The following CAMTA1 variants were observed in gnomAD, a reference collection of about 807,000 sequenced individuals.
CAMTA1 encodes the protein calmodulin binding transcription activator 1.
Under a neutral mutation model 170.9 loss-of-function variants are expected in CAMTA1, and 27 were observed. The observed-to-expected ratio is 0.16, with a 90% confidence interval of 0.12 to 0.22. The LOEUF (loss-of-function observed/expected upper bound fraction) is 0.22. Among genes scored for constraint, CAMTA1 ranks in the 10% least tolerant of loss-of-function variants. The probability of loss-of-function intolerance (pLI) is 1.00; values close to 1 mark genes in which losing one functional copy is unlikely to be tolerated. For missense variants in CAMTA1, 1,619 were observed against 2,217.2 expected, an observed-to-expected ratio of 0.73 and a Z score of 5.42; for synonymous variants, 833 against 891.5, an observed-to-expected ratio of 0.93 and a Z score of 1.17.
At chr1:7,493,888 C>T (rs1174181316) in intron 6 of CAMTA1, among the ~76,000 whole-genome samples, 1 of 152,172 alleles carries the variant, frequency 6.6e-6, no homozygotes, top group Non-Finnish European at 1.5e-5. Flanking sequence ...GCTGAGACCT[C>T]TGCAGTGCTG....
intron 5 of CAMTA1, among the ~76,000 whole-genome samples, chr1:7,393,017 C>T (rs1332664988): frequency 2.0e-5 from 3 of 149,652 alleles, no homozygotes; most frequent in African/African-American, 4.9e-5. Context: ...CGCGCCACTG[C>T]GTTCCAGCCT....
At chr1:7,398,193 C>CTCTCTATA (rs1557651862) in intron 5 of CAMTA1, among the ~76,000 whole-genome samples, 5 of 16,894 alleles carry the variant, frequency 3.0e-4, no homozygotes, top group Non-Finnish European at 5.5e-4. Flanking sequence ...CTCTCTCTCT[C>CTCTCTATA]TATATATATA....
intron 1 of CAMTA1, among the ~76,000 whole-genome samples, chr1:6,789,853 C>T (rs1640548167): frequency 1.4e-5 from 2 of 141,040 alleles, no homozygotes; most frequent in Admixed American, 7.3e-5. Flanking sequence ...CTCTATTGCC[C>T]AGGCTGGAGT....
chr1:7,048,490 C>T (rs1268954604), intron 3 of CAMTA1, among the ~76,000 whole-genome samples: 1 of 152,208 alleles, frequency 6.6e-6, no homozygotes, highest in Non-Finnish European at 1.5e-5. Context: ...GGAGCGTCTG[C>T]TGTTGGCTTT....
chr1:6,860,652 G>C (rs912785184), intron 3 of CAMTA1, among the ~76,000 whole-genome samples: 1 of 152,170 alleles, frequency 6.6e-6, no homozygotes, highest in South Asian at 2.1e-4. Context: ...ACTCACACCC[G>C]TAATCTCAGC....
chr1:7,141,379 A>C (rs536200697), intron 4 of CAMTA1, among the ~76,000 whole-genome samples: 15 of 152,262 alleles, frequency 9.9e-5, no homozygotes, highest in Admixed American at 6.5e-4. Flanking sequence ...GGAGAATGTT[A>C]TCTCTTTAAT....
intron 4 of CAMTA1, among the ~76,000 whole-genome samples, chr1:7,228,406 C>T (rs1002980059): frequency 3.9e-5 from 6 of 152,180 alleles, no homozygotes; most frequent in African/African-American, 7.2e-5. Flanking sequence ...AAGTGGGGCT[C>T]GTGCATGTGA....
chr1:6,975,663 A>G (rs1693291764), intron 3 of CAMTA1, among the ~76,000 whole-genome samples: 2 of 152,148 alleles, frequency 1.3e-5, no homozygotes, highest in Admixed American at 6.5e-5. Flanking sequence ...TGTAGGCTTT[A>G]GATGGGTACA....
At chr1:7,689,428 G>A (rs1191675459) in intron 11 of CAMTA1, among the ~76,000 whole-genome samples, 5 of 151,278 alleles carry the variant, frequency 3.3e-5, no homozygotes, top group Admixed American at 6.6e-5. Context: ...ACAAAAATTA[G>A]CCAGGTGTGG....
At chr1:7,066,882 C>T (rs1034628413) in intron 3 of CAMTA1, among the ~76,000 whole-genome samples, 2 of 152,208 alleles carry the variant, frequency 1.3e-5, no homozygotes, top group Non-Finnish European at 2.9e-5. Context: ...TTTAGAGGAA[C>T]ATGGCATTGT....
rs1188028397 is a variant in CAMTA1 at position 7,680,933 on chromosome 1, G to C, written c.2914+3200G>C. ...GCGGCGCAGCCTTTGTCCCCGCGGC[G>C]TAGCTTTTGTTTGCGCAGCCCCGCC... On this transcript the variant is annotated intron_variant, in intron 11 of 22. Coordinates refer to ENST00000303635, the MANE Select transcript of CAMTA1 (RefSeq NM_015215.4). This position sits in a 1 kb window ranked among gnomAD's most constrained non-coding sequence, Gnocchi z 4.4. Among the ~76,000 whole-genome samples, 1 of 149,536 alleles carries C rather than the reference G, an allele frequency of 6.7e-6. No homozygotes were observed. Among genetic ancestry groups the C allele is most frequent in the Non-Finnish European group, 1.5e-5 (1 of 66,762 alleles).
At chr1:7,002,513 T>C (rs1222066499) in intron 3 of CAMTA1, among the ~76,000 whole-genome samples, 3 of 152,224 alleles carry the variant, frequency 2.0e-5, no homozygotes, top group African/African-American at 7.2e-5. Context: ...CTCAGTGTTG[T>C]TATTCACGGG....
At chr1:6,864,844 C>CGG (rs1557723570) in intron 3 of CAMTA1, among the ~76,000 whole-genome samples, 23 of 152,310 alleles carry the variant, frequency 1.5e-4, no homozygotes, top group African/African-American at 4.6e-4. Flanking sequence ...AATTGTTCCT[C>CGG]AGTGCTGGGG....
intron 3 of CAMTA1, among the ~76,000 whole-genome samples, chr1:6,826,161 T>A (rs1647084025): frequency 6.6e-6 from 1 of 152,228 alleles, no homozygotes; most frequent in Admixed American, 6.5e-5. Context: ...ACTTCCTGAT[T>A]CAGAATGCTT....
chr1:7,719,551 G>A (rs1440062504), intron 11 of CAMTA1, among the ~76,000 whole-genome samples: 1 of 152,180 alleles, frequency 6.6e-6, no homozygotes, highest in African/African-American at 2.4e-5. Context: ...TAGTGTTTTG[G>A]TATACAGAGT....
At chr1:7,761,145 C>T (rs2096972357) in intron 22 of CAMTA1, among the ~76,000 whole-genome samples, 1 of 152,192 alleles carries the variant, frequency 6.6e-6, no homozygotes, top group Non-Finnish European at 1.5e-5. Flanking sequence ...TGATTATTCT[C>T]AGCCTAGAAT....
intron 3 of CAMTA1, among the ~76,000 whole-genome samples, chr1:7,013,042 C>G (rs1450281811): frequency 2.0e-5 from 3 of 151,448 alleles, no homozygotes; most frequent in Non-Finnish European, 2.9e-5. Flanking sequence ...CCCTGAGTCC[C>G]CTCTCTCGTC....
chr1:7,148,998 AGTGG>A (rs1370114473), intron 4 of CAMTA1, among the ~76,000 whole-genome samples: 6 of 152,302 alleles, frequency 3.9e-5, no homozygotes, highest in African/African-American at 1.4e-4. Context: ...TGTCCAGTGG[AGTGG>A]GGCTTCCTGC....
intron 3 of CAMTA1, among the ~76,000 whole-genome samples, chr1:7,054,547 A>G (rs764687742): frequency 3.9e-5 from 6 of 152,240 alleles, no homozygotes; most frequent in Non-Finnish European, 8.8e-5. Context: ...AGTTGCTTGA[A>G]CAACTGGACA....
Sources: allele counts gnomAD v4.1 joint callset (sites outside exome capture counted in the v4.1 genomes callset), GRCh38; gene constraint gnomAD v4.1.1; non-coding constraint Gnocchi (gnomAD v3.1); transcripts MANE v1.5; gene names NCBI Gene and HGNC (gene_info 2026-07-23, HGNC 2026-07-21).